Variants in H3-3A observed in about 807,000 individuals in gnomAD.
The protein encoded by H3-3A is H3.3 histone A.
For missense variants in H3-3A, 7 were observed against 184.0 expected (o/e 0.04, Z 5.57); for synonymous variants, 49 against 61.4 (o/e 0.80, Z 0.95).
chr1:226,063,420 A>G (rs981840328), intron 1 of H3-3A, among the ~76,000 whole-genome samples: 1 of 47,356 alleles, frequency 2.1e-5, no homozygotes, highest in African/African-American at 1.0e-4. Context: ...TTGAAATGCA[A>G]AAAAAACTTT....
chr1:226,066,067 G>T, intron 3 of H3-3A: 1 of 491,896 alleles, frequency 2.0e-6, no homozygotes. Context: ...TTGAAACATT[G>T]CACTAAAAAC....
intron 2 of H3-3A, 73 bp from the exon 3 acceptor site, chr1:226,065,583 C>T: frequency 8.8e-7 from 1 of 1,135,650 alleles, no homozygotes; most frequent in Non-Finnish European, 1.2e-6. Context: ...TACTGCATTT[C>T]TTTGAAGCTG....
rs1432483810 is a variant in H3-3A, at chr1:226,064,193, C to G, written c.-23-136C>G. The G allele has an allele frequency of 3.1e-5, 19 of 619,504 alleles. No individual in the cohort carries two copies. In the Middle Eastern group the frequency reaches 1.3e-3, roughly 44 times the overall value. 38.4% of individuals were successfully genotyped at this position (619,504 alleles called of 1,614,324 possible). ...TGGGTAGACGTAATCTTCACCCTTT[C>G]AAATTATATAACAATACGAACATTA... On this transcript the variant is annotated intron_variant, in intron 1 of 3. Coordinates refer to ENST00000366815, the MANE Select transcript of H3-3A (RefSeq NM_002107.7).
intron 3 of H3-3A, among the ~76,000 whole-genome samples, chr1:226,070,887 A>G (rs1170605670): frequency 1.3e-5 from 2 of 152,370 alleles, no homozygotes; most frequent in South Asian, 2.1e-4. Flanking sequence ...GATAAAAACC[A>G]CTTGTTCACC....
chr1:226,064,950 T>C (rs1458555592), intron 2 of H3-3A, among the ~76,000 whole-genome samples: 3 of 152,226 alleles, frequency 2.0e-5, no homozygotes, highest in African/African-American at 4.8e-5. Context: ...GATTGTGAAC[T>C]ACCTGAGCCA....
intron 3 of H3-3A, 129 bp from the exon 4 acceptor site, chr1:226,071,222 A>G (rs190068374): frequency 1.5e-6 from 1 of 673,824 alleles, no homozygotes; most frequent in African/African-American, 1.8e-5. Flanking sequence ...AGCATTTGGT[A>G]AAATTGTCAG....
chr1:226,067,484 A>AT (rs1657966922), intron 3 of H3-3A, among the ~76,000 whole-genome samples: 1 of 152,162 alleles, frequency 6.6e-6, no homozygotes, highest in Non-Finnish European at 1.5e-5. Context: ...CACATCTGTA[A>AT]TCCCAACACT....
intron 3 of H3-3A, among the ~76,000 whole-genome samples, chr1:226,071,091 T>TG (rs1658106755): frequency 6.6e-6 from 1 of 152,222 alleles, no homozygotes; most frequent in Admixed American, 6.5e-5. Context: ...TTAGAAAAAT[T>TG]GAAGTTTCCT....
At chr1:226,070,247 C>T (rs996467982) in intron 3 of H3-3A, among the ~76,000 whole-genome samples, 8 of 152,040 alleles carry the variant, frequency 5.3e-5, no homozygotes, top group Admixed American at 2.0e-4. Context: ...TTTGGGAGGC[C>T]GAGGCAGGAG....
chr1:226,066,488 T>A (rs1657929100), intron 3 of H3-3A: 1 of 152,248 alleles, frequency 6.6e-6, no homozygotes, highest in Admixed American at 6.5e-5. Flanking sequence ...AGAAATACTG[T>A]TCTAGAGATA....
At chr1:226,063,426 A>C (rs1342466651) in intron 1 of H3-3A, among the ~76,000 whole-genome samples, 7 of 150,288 alleles carry the variant, frequency 4.7e-5, no homozygotes, top group Non-Finnish European at 1.0e-4. Flanking sequence ...TGCAAAAAAA[A>C]CTTTTGCATT....
intron 2 of H3-3A, among the ~76,000 whole-genome samples, chr1:226,065,281 G>A (rs749944096): frequency 3.3e-4 from 51 of 152,242 alleles, no homozygotes; most frequent in Non-Finnish European, 5.6e-4. Flanking sequence ...CATCTTTAAG[G>A]GCTCTTAAGA....
intron 2 of H3-3A, among the ~76,000 whole-genome samples, chr1:226,065,112 A>G (rs1168610242): frequency 6.6e-6 from 1 of 152,258 alleles, no homozygotes; most frequent in Non-Finnish European, 1.5e-5. Flanking sequence ...TACTTAGTAA[A>G]AAAAACTTTT....
At chr1:226,067,410 T>G (rs1657964035) in intron 3 of H3-3A, 2 of 152,298 alleles carry the variant, frequency 1.3e-5, no homozygotes, top group African/African-American at 4.8e-5. Context: ...GTTTTCTGTT[T>G]GCTTTTTTAT....
intron 3 of H3-3A, among the ~76,000 whole-genome samples, chr1:226,068,141 G>A (rs1301225889): frequency 6.6e-6 from 1 of 152,060 alleles, no homozygotes; most frequent in African/African-American, 2.4e-5. Context: ...TCATAAATTA[G>A]TGTGGCAGTC....
chr1:226,069,432 C>G (rs1658030615), intron 3 of H3-3A, among the ~76,000 whole-genome samples: 1 of 152,142 alleles, frequency 6.6e-6, no homozygotes, highest in Non-Finnish European at 1.5e-5. Flanking sequence ...AATAACTTTT[C>G]CTTATAGAAA....
In H3-3A at chr1:226,063,829, A is replaced by G. The variant is rs116537562; in HGVS notation, c.-23-500A>G. 901 of 149,896 alleles carry G rather than the reference A, an allele frequency of 6.0e-3. 8 individuals are homozygous for G. The highest frequency in any genetic ancestry group is 0.021 in the African/African-American group (852 of 40,694). 9.3% of individuals were successfully genotyped at this position (149,896 alleles called of 1,614,324 possible). On this transcript the variant is annotated intron_variant, in intron 1 of 3. Transcript: ENST00000366815. ...TTTTTCGAGACGCCTTTTTGTCAAC[A>G]TAACTGTAAAGATGCAAAACCAAGA...
chr1:226,068,376 G>GGCCA (rs1246524590), intron 3 of H3-3A, among the ~76,000 whole-genome samples: 1 of 152,180 alleles, frequency 6.6e-6, no homozygotes, highest in Non-Finnish European at 1.5e-5. Flanking sequence ...CACTCTGAAA[G>GGCCA]GCCACCAGAA....
At chr1:226,063,455 C>T (rs571988260) in intron 1 of H3-3A, among the ~76,000 whole-genome samples, 127 of 152,136 alleles carry the variant, frequency 8.3e-4, no homozygotes, top group African/African-American at 2.9e-3. Flanking sequence ...CGGCACGTGG[C>T]AGGGGATAGG....
Sources: gnomAD v4.1 joint callset for allele counts (sites outside exome capture counted in the v4.1 genomes callset) on GRCh38, gnomAD v4.1.1 for gene constraint, MANE v1.5 for transcripts, NCBI Gene and HGNC (gene_info 2026-07-23, HGNC 2026-07-21) for gene names.